Variants in VWA3A observed in about 807,000 individuals in gnomAD.
The protein encoded by VWA3A is von Willebrand factor A domain-containing protein 3A.
A neutral mutation model predicts 160.4 loss-of-function variants in VWA3A; 134 were observed. The ratio of observed to expected loss-of-function variants is 0.84; its 90% CI spans 0.73 to 0.96. VWA3A has a LOEUF of 0.96. Among genes scored for constraint, VWA3A ranks in the 40% least tolerant of loss-of-function variants. The pLI, the probability that VWA3A is intolerant of heterozygous loss-of-function variation, is 0.00. For missense variants in VWA3A, 1,310 were observed against 1,447.9 expected (o/e 0.90, Z 1.55); for synonymous variants, 476 against 543.4 (o/e 0.88, Z 1.72).
At position 22,123,868 on chromosome 16, in the gene VWA3A, C is replaced by T. The variant is rs115901002; in HGVS notation, c.1532+161C>T. ...CCCCAGAGGAGGAAAAAGTCACCAA[C>T]ACCATCACTGATGTCAATAATGTCA... On this transcript the variant is annotated intron_variant, in intron 16 of 33. Transcript: ENST00000389398. Among the ~76,000 whole-genome samples, 510 of 152,226 alleles carry T rather than the reference C, an allele frequency of 3.4e-3. 4 individuals are homozygous for T. Among genetic ancestry groups the T allele is most frequent in the African/African-American group, 0.011 (470 of 41,542 alleles).
At chr16:22,120,875 C>T in intron 12 of VWA3A, 93 bp from the exon 13 acceptor site, 2 of 1,486,452 alleles carry the variant, frequency 1.3e-6, no homozygotes, top group South Asian at 1.3e-5. Context: ...GTTTAAGAAG[C>T]TCCACTTGCA....
rs377486149 is a variant in VWA3A at position 22,146,343 on chromosome 16, C to T, written c.2838C>T (p.Ser946=). Residue 946 remains serine (S), a splice_region_variant and synonymous_variant, in exon 27 of 34, where the codon TCC becomes TCT. Coordinates refer to ENST00000389398, the MANE Select transcript of VWA3A (RefSeq NM_173615.5). ...RYVQRLQWLL[S]GSRRLFGTVL... is the part of the protein sequence containing the mutation. Reference sequence around the variant, plus strand: ...TCCAGAGGCTGCAGTGGCTGCTGTCCGGTGAGCCTGCCCACTGCCCTGAAG... The same window carrying T: ...TCCAGAGGCTGCAGTGGCTGCTGTCTGGTGAGCCTGCCCACTGCCCTGAAG... 1.9e-4 allele frequency: 302 copies of T among 1,611,930 alleles called. 7 individuals carry two copies. In the South Asian group the frequency reaches 1.9e-3, roughly 10 times the overall value.
rs760708762 is a variant in VWA3A at position 22,121,622 on chromosome 16, T to C, written c.1356+5T>C. Reference sequence around the variant, plus strand: ...GTATCATCGACCATCCATGAGGTAATTCAGATTCATAATTCTCTCCAGTCC... The same window carrying C: ...GTATCATCGACCATCCATGAGGTAACTCAGATTCATAATTCTCTCCAGTCC... On this transcript the variant is annotated splice_donor_5th_base_variant and intron_variant, in intron 14 of 33. Transcript: ENST00000389398. 9 of 1,603,256 alleles carry C rather than the reference T, an allele frequency of 5.6e-6. No individual in the cohort carries two copies. The highest frequency in any genetic ancestry group is 1.3e-5 in the African/African-American group (1 of 74,670).
intron 21 of VWA3A, among the ~76,000 whole-genome samples, chr16:22,134,759 G>A (rs1036047442): frequency 6.6e-6 from 1 of 152,222 alleles, no homozygotes; most frequent in Non-Finnish European, 1.5e-5. Context: ...CAATAGGGGA[G>A]AGAGACTGAA....
intron 24 of VWA3A, 103 bp downstream of exon 24, chr16:22,141,795 A>G: frequency 1.1e-6 from 1 of 940,686 alleles, no homozygotes; most frequent in Non-Finnish European, 1.6e-6. Flanking sequence ...CTGTCCCAGG[A>G]CCTAGGCACT....
In VWA3A at chr16:22,144,318, T is replaced by C; in HGVS notation, c.2664T>C (p.His888=). 6.2e-7 allele frequency: 1 copy of C among 1,613,942 alleles called. No homozygotes were observed. Among genetic ancestry groups the C allele is most frequent in the Non-Finnish European group, 8.5e-7 (1 of 1,179,900 alleles). The change falls in exon 26 of 34, where the codon CAT becomes CAC. Residue 888 remains histidine, a synonymous_variant. Coordinates refer to ENST00000389398, the MANE Select transcript of VWA3A (RefSeq NM_173615.5). ...GATGCATGGGTCCCAACTGCACTCA[T>C]CAAAAGTCAGGACAGAGGTCAGCAT... ...ISRCMGPNCT[H]QKSGQRSASA...
At chr16:22,150,027 T>C (rs1159273761) in intron 29 of VWA3A, 96 bp downstream of exon 29, 1 of 1,448,082 alleles carries the variant, frequency 6.9e-7, no homozygotes, top group African/African-American at 1.4e-5. Flanking sequence ...CAAAGGGCGC[T>C]TTATAATTTA....
intron 6 of VWA3A, among the ~76,000 whole-genome samples, chr16:22,105,557 C>A (rs558632196): frequency 1.3e-5 from 2 of 152,350 alleles, no homozygotes; most frequent in African/African-American, 4.8e-5. Flanking sequence ...TTTAGGCTCC[C>A]TAATTTTAAC....
intron 3 of VWA3A, among the ~76,000 whole-genome samples, chr16:22,099,186 T>C (rs1229677725): frequency 6.6e-6 from 1 of 152,066 alleles, no homozygotes; most frequent in East Asian, 1.9e-4. Flanking sequence ...CTAGTGTCCA[T>C]GTGATAGAGA....
chr16:22,123,121 G>A lies in VWA3A; in HGVS notation c.1393G>A (p.Val465Met). 6.2e-7 allele frequency: 1 copy of A among 1,606,398 alleles called. No homozygotes were observed. The highest frequency in any genetic ancestry group is 8.5e-7 in the Non-Finnish European group (1 of 1,176,354). ...MIQFEWHDGT[V>M]KNIHVDPPFL... ...ACAATTTGAATGGCACGACGGGACA[G>A]TGAAGAACATTCATGTGGACCCACC... Residue 465 changes from valine (V) to methionine (M), a missense_variant, in exon 15 of 34, where the codon GTG becomes ATG. By Grantham distance (21) the Val-to-Met change is conservative. Transcript: ENST00000389398.
intron 17 of VWA3A, among the ~76,000 whole-genome samples, chr16:22,126,688 C>T (rs1168315209): frequency 1.3e-5 from 2 of 152,046 alleles, no homozygotes; most frequent in Admixed American, 1.3e-4. Context: ...TTTAGGATTC[C>T]AATTCTGAAT....
At chr16:22,144,919 A>G (rs926572201) in intron 26 of VWA3A, among the ~76,000 whole-genome samples, 2 of 152,142 alleles carry the variant, frequency 1.3e-5, no homozygotes, top group Admixed American at 6.5e-5. Context: ...GACTCTTAAA[A>G]CATAAAAAGG....
chr16:22,097,750 GCA>G (rs2045348528), intron 3 of VWA3A, 55 bp downstream of exon 3: 1 of 1,542,622 alleles, frequency 6.5e-7, no homozygotes, highest in African/African-American at 1.4e-5. Flanking sequence ...TTCAGAGAAT[GCA>G]CAGTGTGTTA....
intron 7 of VWA3A, among the ~76,000 whole-genome samples, chr16:22,110,246 T>C (rs1385212106): frequency 6.6e-6 from 1 of 152,200 alleles, no homozygotes; most frequent in East Asian, 1.9e-4. Context: ...AAGTCTGGCC[T>C]AGAGAAAAAG....
At chr16:22,126,895 A>G (rs2045859349) in intron 17 of VWA3A, among the ~76,000 whole-genome samples, 1 of 151,374 alleles carries the variant, frequency 6.6e-6, no homozygotes, top group Non-Finnish European at 1.5e-5. Context: ...GTGTATATAT[A>G]TATAAATGGT....
At position 22,116,467 on chromosome 16, in the gene VWA3A, AAG is replaced by A. The variant is rs1194013110; in HGVS notation, c.816-284_816-283del. Reference sequence around the variant, plus strand: ...AGAGAGGAGAAGGAAGGAAAGAAGGAAGAGAGAGAAAGAAAAGAAAGAGAAGG... The same window carrying A: ...AGAGAGGAGAAGGAAGGAAAGAAGGAAGAGAGAAAGAAAAGAAAGAGAAGG... On this transcript the variant is annotated intron_variant, in intron 9 of 33. Transcript: ENST00000389398. The A allele has an allele frequency of 1.2e-5, 6 of 494,574 alleles. No homozygotes were observed. In the Admixed American group the frequency reaches 1.3e-4, roughly 11 times the overall value. 30.6% of individuals were successfully genotyped at this position (494,574 alleles called of 1,614,324 possible). A position where few individuals can be genotyped will look rare whatever the true frequency, so the allele number is the denominator to read the frequency against.
chr16:22,105,969 A>C (rs572766766), intron 6 of VWA3A, among the ~76,000 whole-genome samples: 1 of 152,212 alleles, frequency 6.6e-6, no homozygotes, highest in Non-Finnish European at 1.5e-5. Flanking sequence ...TGCTGAAGGA[A>C]TGGTTCGCTG....
intron 28 of VWA3A, 30 bp from the exon 29 acceptor site, chr16:22,149,757 C>A: frequency 1.3e-6 from 2 of 1,571,458 alleles, no homozygotes; most frequent in South Asian, 2.3e-5. Flanking sequence ...CCCTTCTCTG[C>A]CCCTCACCTC....
intron 29 of VWA3A, 77 bp from the exon 30 acceptor site, chr16:22,150,618 C>A: frequency 6.7e-7 from 1 of 1,490,370 alleles, no homozygotes; most frequent in South Asian, 1.4e-5. Flanking sequence ...GCAGCAGGCA[C>A]TACCTTTAGG....
Sources: allele counts gnomAD v4.1 joint callset (sites outside exome capture counted in the v4.1 genomes callset), GRCh38; gene constraint gnomAD v4.1.1; transcripts MANE v1.5; gene names NCBI Gene and HGNC (gene_info 2026-07-23, HGNC 2026-07-21).